Variants in CLINT1 observed in about 807,000 individuals in gnomAD.
CLINT1 encodes clathrin interactor 1.
In CLINT1, 15 loss-of-function variants were observed where a neutral mutation model predicts 70.4. That is an observed-to-expected ratio of 0.21 (90% CI 0.14 to 0.33). CLINT1 has a LOEUF of 0.33. Among genes scored for constraint, CLINT1 ranks in the 10% least tolerant of loss-of-function variants. The pLI, the probability that CLINT1 is intolerant of heterozygous loss-of-function variation, is 1.00. For synonymous variants in CLINT1, 227 were observed against 254.7 expected, an observed-to-expected ratio of 0.89 and a Z score of 1.04; for missense variants, 615 against 778.1, an observed-to-expected ratio of 0.79 and a Z score of 2.49.
chr5:157,856,440 T>C (rs73815205), intron 1 of CLINT1, among the ~76,000 whole-genome samples: 2,009 of 152,366 alleles, frequency 0.013, 52 homozygotes, highest in African/African-American at 0.045. Context: ...CTTTCTCTCA[T>C]AGAAGCCCTC....
chr5:157,803,495 AAC>A, intron 8 of CLINT1, among the ~76,000 whole-genome samples, 153 bp downstream of exon 8: 1 of 152,244 alleles, frequency 6.6e-6, no homozygotes, highest in East Asian at 1.9e-4. Flanking sequence ...AAGCAAAAAT[AAC>A]ACAATGATTC....
intron 1 of CLINT1, chr5:157,823,837 C>T (rs972894132): frequency 1.2e-5 from 3 of 240,580 alleles, no homozygotes; most frequent in Admixed American, 6.5e-5. Flanking sequence ...TGAGCAGTGG[C>T]GAGCGAGCGT....
chr5:157,797,276 T>C (rs1029737906), intron 8 of CLINT1, among the ~76,000 whole-genome samples: 2 of 152,204 alleles, frequency 1.3e-5, no homozygotes, highest in African/African-American at 2.4e-5. Context: ...AATATAACAT[T>C]AAGGGATTTA....
intron 1 of CLINT1, among the ~76,000 whole-genome samples, chr5:157,845,712 C>T (rs557420821): frequency 4.0e-5 from 6 of 151,894 alleles, no homozygotes; most frequent in East Asian, 1.9e-4. Flanking sequence ...CCACCACGCC[C>T]GGCTAATTTT....
At chr5:157,804,297 T>C (rs1184103818) in intron 7 of CLINT1, among the ~76,000 whole-genome samples, 1 of 152,200 alleles carries the variant, frequency 6.6e-6, no homozygotes, top group Non-Finnish European at 1.5e-5. Flanking sequence ...ATTTGATATA[T>C]TGATATGTTT....
intron 1 of CLINT1, among the ~76,000 whole-genome samples, chr5:157,828,533 A>G (rs1441830811): frequency 6.6e-6 from 1 of 152,174 alleles, no homozygotes; most frequent in Non-Finnish European, 1.5e-5. Context: ...AACCAAAAAA[A>G]CCATATGAAA....
chr5:157,795,641 C>T (rs760742324), intron 8 of CLINT1: 3 of 149,786 alleles, frequency 2.0e-5, no homozygotes, highest in African/African-American at 4.9e-5. Context: ...TAAAAAAGAA[C>T]GAGAGAGAGA....
chr5:157,811,900 T>G (rs1189260127), intron 5 of CLINT1, among the ~76,000 whole-genome samples: 2 of 152,164 alleles, frequency 1.3e-5, no homozygotes, highest in Non-Finnish European at 2.9e-5. Context: ...TCCAAAAACT[T>G]TGGACTTCCC....
At chr5:157,857,416 A>G (rs1383133886) in intron 1 of CLINT1, among the ~76,000 whole-genome samples, 1 of 152,222 alleles carries the variant, frequency 6.6e-6, no homozygotes, top group Non-Finnish European at 1.5e-5. Flanking sequence ...TCCGAAATAA[A>G]TAGCTGAAGC....
chr5:157,822,308 T>G (rs1214925260), intron 1 of CLINT1, among the ~76,000 whole-genome samples: 2 of 152,124 alleles, frequency 1.3e-5, no homozygotes, highest in Non-Finnish European at 2.9e-5. Flanking sequence ...CGTTAACTCG[T>G]CATTTACATG....
Position 157,859,131 on chromosome 5 carries a change from G to A in CLINT1, c.-161C>T, listed in dbSNP as rs1753863950. On this transcript the variant is annotated 5_prime_UTR_variant, in exon 1 of 12. Transcript: ENST00000411809. Reference sequence around the variant, plus strand: ...TTGCCACAGCAGCGGCGCCGCCGGTGACACGTCGAGACGCGGCAGCACAGG... The same window carrying A: ...TTGCCACAGCAGCGGCGCCGCCGGTAACACGTCGAGACGCGGCAGCACAGG... 5 of 638,124 alleles carry A rather than the reference G, an allele frequency of 7.8e-6. No individual in the cohort carries two copies. Among genetic ancestry groups the A allele is most frequent in the Admixed American group, 3.4e-5 (1 of 29,392 alleles). The allele number at this position is 638,124 out of a possible 1,614,324, so 39.5% of individuals were successfully genotyped here. A position where few individuals can be genotyped will look rare whatever the true frequency, so the allele number is the denominator to read the frequency against.
Position 157,858,915 on chromosome 5 carries a change from C to T in CLINT1, c.41+15G>A, listed in dbSNP as rs1397708833. 6.1e-6 allele frequency: 8 copies of T among 1,320,346 alleles called. No individual in the cohort carries two copies. The highest frequency in any genetic ancestry group is 2.3e-5 in the South Asian group (2 of 86,080). The allele number at this position is 1,320,346 out of a possible 1,614,324, so 81.8% of individuals were successfully genotyped here. ...CCCACGTGGGCCTCGGCCACAACTG[C>T]CCCCCGATACTCACGCTTTGTCCAC... On this transcript the variant is annotated intron_variant, in intron 1 of 11. Coordinates refer to ENST00000411809, the MANE Select transcript of CLINT1 (RefSeq NM_014666.4).
At chr5:157,822,012 G>A (rs1028252879) in intron 1 of CLINT1, among the ~76,000 whole-genome samples, 3 of 152,146 alleles carry the variant, frequency 2.0e-5, no homozygotes, top group East Asian at 1.9e-4. Flanking sequence ...TGCCAACTGC[G>A]AGAAGTTACC....
At chr5:157,821,371 C>T (rs1479008171) in intron 1 of CLINT1, among the ~76,000 whole-genome samples, 1 of 122,766 alleles carries the variant, frequency 8.1e-6, no homozygotes, top group African/African-American at 3.2e-5. Context: ...TTTCTGCAAA[C>T]ATAAACAGAC....
rs577976189 is a variant in CLINT1, at chr5:157,853,404, A to G, written c.41+5526T>C. On this transcript the variant is annotated intron_variant, in intron 1 of 11. Coordinates refer to ENST00000411809, the MANE Select transcript of CLINT1 (RefSeq NM_014666.4). ...CTCAACTGTAGAGCCATATTGTGAAACCTTGGATTACTAGCAAATGGCACT... is the reference window on the plus strand; with the variant it reads ...CTCAACTGTAGAGCCATATTGTGAAGCCTTGGATTACTAGCAAATGGCACT... Among the ~76,000 whole-genome samples the G allele has an allele frequency of 9.9e-4, 150 of 152,182 alleles. 1 individual carries two copies. The highest frequency in any genetic ancestry group is 3.4e-3 in the African/African-American group (141 of 41,520).
rs1302207117 is a variant in CLINT1 at position 157,830,790 on chromosome 5, CTCTCTCTA to C, written c.42-13251_42-13244del. Among the ~76,000 whole-genome samples, 347 of 124,142 alleles carry C rather than the reference CTCTCTCTA, an allele frequency of 2.8e-3. 1 individual carries two copies. The highest frequency in any genetic ancestry group is 1.0e-2 in the African/African-American group (313 of 31,360). The allele number at this position is 124,142 out of a possible 152,430, so 81.4% of individuals were successfully genotyped here. On this transcript the variant is annotated intron_variant, in intron 1 of 11. Transcript: ENST00000411809. ...TCTCTCTCTCTCTCTCTCTCTCTCTCTCTCTCTATATATATATATATATATAGAAACAC... is the reference window on the plus strand; with the variant it reads ...TCTCTCTCTCTCTCTCTCTCTCTCTCTATATATATATATATATAGAAACAC...
chr5:157,795,045 G>A (rs1482301486), intron 8 of CLINT1, 73 bp from the exon 9 acceptor site: 3 of 1,222,172 alleles, frequency 2.5e-6, no homozygotes, highest in East Asian at 5.1e-5. Context: ...GGCCATTTTA[G>A]TGCCACACAA....
intron 1 of CLINT1, among the ~76,000 whole-genome samples, chr5:157,843,520 G>GGT (rs1481877368): frequency 6.6e-6 from 1 of 152,134 alleles, no homozygotes; most frequent in East Asian, 1.9e-4. Flanking sequence ...AGACCTGGAA[G>GGT]GTAGACCTTA....
At position 157,787,151 on chromosome 5, in the gene CLINT1, CA is replaced by C. The variant is rs1761749825; in HGVS notation, c.*494del. ...TATGTATGCTTTTTTTTTTCTTGGA[CA>C]AAAATATATATTTTTATAAAAAACT... On this transcript the variant is annotated 3_prime_UTR_variant, in exon 12 of 12. Coordinates refer to ENST00000411809, the MANE Select transcript of CLINT1 (RefSeq NM_014666.4). 1 of 152,584 alleles carries C rather than the reference CA, an allele frequency of 6.6e-6. No individual in the cohort carries two copies. The highest frequency in any genetic ancestry group is 2.4e-5 in the African/African-American group (1 of 40,970). 9.5% of individuals were successfully genotyped at this position (152,584 alleles called of 1,614,324 possible). A position where few individuals can be genotyped will look rare whatever the true frequency, so the allele number is the denominator to read the frequency against.
Sources: allele counts gnomAD v4.1 joint callset (sites outside exome capture counted in the v4.1 genomes callset), GRCh38; gene constraint gnomAD v4.1.1; transcripts MANE v1.5; gene names NCBI Gene and HGNC (gene_info 2026-07-23, HGNC 2026-07-21).